Variants in DISC1 observed in about 807,000 individuals in gnomAD.
The protein encoded by DISC1 is DISC1 scaffold protein.
In DISC1, 57 loss-of-function variants were observed where a neutral mutation model predicts 84.5. The ratio of observed to expected loss-of-function variants is 0.67; its 90% CI spans 0.55 to 0.84. The LOEUF (loss-of-function observed/expected upper bound fraction) is 0.84. Ranked by LOEUF, DISC1 falls within the 40% of genes least tolerant of loss-of-function variation. The pLI is 0.00. For missense variants in DISC1, 1,000 were observed against 1,057.8 expected (o/e 0.95, Z 0.76); for synonymous variants, 411 against 415.2 (o/e 0.99, Z 0.12).
At position 231,871,500 on chromosome 1, in the gene DISC1, T is replaced by C. The variant is rs559902825; in HGVS notation, c.1981+52983T>C. On this transcript the variant is annotated intron_variant, in intron 9 of 12. Coordinates refer to ENST00000439617, the MANE Select transcript of DISC1 (RefSeq NM_018662.3). ...GGTTCTCTCTTTGACTAGAATTGTG[T>C]CGTTGATGTGGAAGTGCAGTTGAAT... is the stretch of plus-strand genomic sequence containing the variant. Among the ~76,000 whole-genome samples, 5 of 152,324 alleles carry C rather than the reference T, an allele frequency of 3.3e-5. No homozygotes were observed. The South Asian group carries it at 1.0e-3, about 32-fold the overall frequency.
At chr1:231,868,009 G>A (rs370474371) in intron 9 of DISC1, among the ~76,000 whole-genome samples, 1 of 152,196 alleles carries the variant, frequency 6.6e-6, no homozygotes, top group African/African-American at 2.4e-5. Context: ...GTGTGCTTTG[G>A]CATTGAGTGT....
chr1:231,806,278 G>A (rs912788451), intron 8 of DISC1, among the ~76,000 whole-genome samples: 1 of 152,182 alleles, frequency 6.6e-6, no homozygotes, highest in Non-Finnish European at 1.5e-5. Flanking sequence ...ACAGGTTCCC[G>A]GCCAGTGTAC....
intron 3 of DISC1, chr1:231,720,903 T>C (rs2069582315): frequency 1.5e-6 from 2 of 1,290,944 alleles, no homozygotes; most frequent in Non-Finnish European, 2.0e-6. Context: ...AGTTCTGACA[T>C]TGACTGCATT....
chr1:231,993,281 G>A (rs1217991984), intron 10 of DISC1, among the ~76,000 whole-genome samples: 1 of 151,928 alleles, frequency 6.6e-6, no homozygotes, highest in African/African-American at 2.4e-5. Context: ...TGAGTCCAGA[G>A]TAGGGCTGAG....
intron 9 of DISC1, among the ~76,000 whole-genome samples, chr1:231,906,160 C>T (rs1287906513): frequency 3.3e-5 from 5 of 151,770 alleles, no homozygotes; most frequent in Non-Finnish European, 7.4e-5. Context: ...GCAGCTGGGA[C>T]CACAGACATG....
At chr1:231,750,670 A>G in intron 4 of DISC1, 1 of 885,926 alleles carries the variant, frequency 1.1e-6, no homozygotes, top group African/African-American at 1.8e-5. Flanking sequence ...AAGCTAAGTC[A>G]GAATGTCTAG....
intron 2 of DISC1, among the ~76,000 whole-genome samples, chr1:231,699,758 G>A (rs1224372019): frequency 2.6e-5 from 4 of 152,216 alleles, no homozygotes; most frequent in East Asian, 1.9e-4. Context: ...CTCCAGTGGC[G>A]CCCCATGAAC....
chr1:231,661,880 TAC>T (rs2061591607), intron 1 of DISC1, among the ~76,000 whole-genome samples: 1 of 152,246 alleles, frequency 6.6e-6, no homozygotes, highest in African/African-American at 2.4e-5. Context: ...TGGGCTTATC[TAC>T]CTTCAATCTT....
At chr1:231,824,875 TATCC>T (rs67972870) in intron 9 of DISC1, among the ~76,000 whole-genome samples, 39,783 of 149,852 alleles carry the variant, frequency 0.27, 5,581 homozygotes, top group Admixed American at 0.33. Flanking sequence ...GTTGCATTTC[TATCC>T]ATCCATCCAT....
Position 231,804,131 on chromosome 1 carries a change from T to C in DISC1, c.1792+3921T>C, listed in dbSNP as rs77121701. ...GGAGTATTAAAGAATTTGGTGGGCATATTTTTATAACCACTGCAGTGTTAC... is the reference window on the plus strand; with the variant it reads ...GGAGTATTAAAGAATTTGGTGGGCACATTTTTATAACCACTGCAGTGTTAC... On this transcript the variant is annotated intron_variant, in intron 8 of 12. Transcript: ENST00000439617. Among the ~76,000 whole-genome samples the C allele has an allele frequency of 9.4e-3, 1,431 of 152,172 alleles. 30 individuals are homozygous for C. Among genetic ancestry groups the C allele is most frequent in the African/African-American group, 0.029 (1,217 of 41,502 alleles).
intron 9 of DISC1, among the ~76,000 whole-genome samples, chr1:231,906,329 T>A (rs2088637432): frequency 6.6e-6 from 1 of 152,204 alleles, no homozygotes; most frequent in Non-Finnish European, 1.5e-5. Context: ...GTCAAGGGCA[T>A]GGATTTTGAT....
intron 1 of DISC1, among the ~76,000 whole-genome samples, chr1:231,656,152 C>A (rs568471357): frequency 2.0e-5 from 3 of 152,092 alleles, no homozygotes; most frequent in African/African-American, 7.2e-5. Context: ...GTTATAAATT[C>A]TTTGCCTAGG....
intron 1 of DISC1, among the ~76,000 whole-genome samples, chr1:231,638,707 T>C (rs2059386636): frequency 6.6e-6 from 1 of 152,230 alleles, no homozygotes; most frequent in South Asian, 2.1e-4. Context: ...TCTATGTGTC[T>C]ATTTTTATAC....
intron 8 of DISC1, among the ~76,000 whole-genome samples, chr1:231,801,585 C>T (rs2079260633): frequency 6.6e-6 from 1 of 152,196 alleles, no homozygotes; most frequent in Non-Finnish European, 1.5e-5. Flanking sequence ...CTCCTGGTAA[C>T]TGACCTTTTG....
chr1:231,777,353 T>G (rs1027052441), intron 6 of DISC1, among the ~76,000 whole-genome samples: 13 of 152,090 alleles, frequency 8.5e-5, no homozygotes, highest in African/African-American at 3.1e-4. Flanking sequence ...TTCCAAGTGC[T>G]AGGATTATAG....
At chr1:231,953,060 T>C (rs1263231445) in intron 9 of DISC1, among the ~76,000 whole-genome samples, 1 of 152,202 alleles carries the variant, frequency 6.6e-6, no homozygotes, top group African/African-American at 2.4e-5. Context: ...TTACTGCTGC[T>C]CCATTTAACC....
chr1:231,971,339 A>G, intron 10 of DISC1, among the ~76,000 whole-genome samples: 1 of 152,180 alleles, frequency 6.6e-6, no homozygotes, highest in Non-Finnish European at 1.5e-5. Context: ...CATGGTATGA[A>G]CCTGTTAGCT....
chr1:231,736,972 T>A (rs1358943893), intron 3 of DISC1, among the ~76,000 whole-genome samples: 1 of 152,280 alleles, frequency 6.6e-6, no homozygotes, highest in Non-Finnish European at 1.5e-5. Flanking sequence ...CTTATTTGAT[T>A]ATTTATTCAT....
chr1:231,886,980 G>A (rs2086819095), intron 9 of DISC1, among the ~76,000 whole-genome samples: 2 of 150,584 alleles, frequency 1.3e-5, no homozygotes, highest in Admixed American at 1.3e-4. Context: ...TCCTGCCTCA[G>A]CCTCCCGAGT....
Sources: allele counts gnomAD v4.1 joint callset (sites outside exome capture counted in the v4.1 genomes callset), GRCh38; gene constraint gnomAD v4.1.1; transcripts MANE v1.5; gene names NCBI Gene and HGNC (gene_info 2026-07-23, HGNC 2026-07-21).